NAV1: variants seen among roughly 807,000 people sequenced by gnomAD.
NAV1 encodes the protein neuron navigator 1.
In NAV1, 18 loss-of-function variants were observed where a neutral mutation model predicts 175.2. That is an observed-to-expected ratio of 0.10 (90% CI 0.07 to 0.15). The LOEUF is 0.15. Among genes scored for constraint, NAV1 ranks in the 10% least tolerant of loss-of-function variants. The pLI, the probability that NAV1 is intolerant of heterozygous loss-of-function variation, is 1.00. For missense variants in NAV1, 1,731 were observed against 2,436.6 expected (o/e 0.71, Z 6.10); for synonymous variants, 897 against 978.7 (o/e 0.92, Z 1.56).
At chr1:201,662,603 G>A (rs1390538128) in intron 1 of NAV1, among the ~76,000 whole-genome samples, 1 of 152,188 alleles carries the variant, frequency 6.6e-6, no homozygotes, top group Non-Finnish European at 1.5e-5. Context: ...TCTGTAGAAT[G>A]GGGCTTGTAC....
chr1:201,724,740 G>C (rs1339311915), intron 3 of NAV1: 3 of 152,658 alleles, frequency 2.0e-5, no homozygotes, highest in Non-Finnish European at 4.4e-5. Flanking sequence ...GGCGACTTCT[G>C]CCACACCCTG....
chr1:201,629,588 T>C, intron 2 of NAV1, 81 bp downstream of exon 4: 1 of 904,408 alleles, frequency 1.1e-6, no homozygotes, highest in Non-Finnish European at 1.5e-6. Flanking sequence ...AGAAGTGACC[T>C]AGGCTGGATG....
chr1:201,819,953 C>A (rs772728249), exon 30 of NAV1: 25 of 1,608,894 alleles, frequency 1.6e-5, no homozygotes, highest in African/African-American at 2.7e-5. Flanking sequence ...ATCACTGTCA[C>A]CCCCGGACAG....
Position 201,718,872 on chromosome 1 carries a change from A to G in NAV1, c.1226+117A>G, listed in dbSNP as rs1672250041. 7.9e-7 allele frequency: 1 copy of G among 1,258,670 alleles called. No homozygotes were observed. Among genetic ancestry groups the G allele is most frequent in the Non-Finnish European group, 1.1e-6 (1 of 898,872 alleles). The allele number at this position is 1,258,670 out of a possible 1,614,324, so 78.0% of individuals were successfully genotyped here. On this transcript the variant is annotated intron_variant, in intron 3 of 29. Transcript: ENST00000367296. The surrounding 1 kb of genome is among the most constrained non-coding windows in gnomAD (Gnocchi z 4.8). ...GTTTTGGTTTGCTGTGCTGCTATGA[A>G]AGTACACAAAAGTGTGCTGTGTACA...
intron 2 of NAV1, among the ~76,000 whole-genome samples, chr1:201,633,630 C>A (rs1668537438): frequency 6.6e-6 from 1 of 152,210 alleles, no homozygotes. Flanking sequence ...TGAGCAGGTC[C>A]CAGGATGCCA....
chr1:201,693,281 A>C (rs2102422075), intron 1 of NAV1, among the ~76,000 whole-genome samples: 1 of 152,312 alleles, frequency 6.6e-6, no homozygotes, highest in Non-Finnish European at 1.5e-5. Context: ...GCTGTGGTAG[A>C]AGTCTGTTAC....
intron 1 of NAV1, among the ~76,000 whole-genome samples, chr1:201,650,614 C>A (rs1264866198): frequency 6.6e-6 from 1 of 152,210 alleles, no homozygotes; most frequent in East Asian, 1.9e-4. Context: ...CATGCAAGAG[C>A]TCGCCGGGCG....
intron 2 of NAV1, among the ~76,000 whole-genome samples, chr1:201,612,741 A>G (rs986343491): frequency 2.0e-5 from 3 of 152,230 alleles, no homozygotes; most frequent in South Asian, 2.1e-4. Flanking sequence ...AGTTTTCAAC[A>G]TAGAAATTTT....
intron 3 of NAV1, among the ~76,000 whole-genome samples, chr1:201,767,037 G>A (rs938226503): frequency 2.0e-5 from 3 of 151,640 alleles, no homozygotes; most frequent in African/African-American, 7.3e-5. Flanking sequence ...GGCCAGGATG[G>A]TCTCATCTCC....
intron 3 of NAV1, among the ~76,000 whole-genome samples, chr1:201,754,107 G>A (rs765872250): frequency 4.6e-5 from 7 of 152,004 alleles, no homozygotes; most frequent in South Asian, 2.1e-4. Context: ...CCTCTGTTCC[G>A]GGGAAAATAT....
intron 1 of NAV1, among the ~76,000 whole-genome samples, chr1:201,697,533 T>C (rs906120966): frequency 2.6e-5 from 4 of 152,176 alleles, no homozygotes; most frequent in Admixed American, 6.5e-5. Context: ...GGCTCTGAGA[T>C]CAGCAGGCTG....
Position 201,783,306 on chromosome 1 carries a change from A to C in NAV1, c.2358-100A>C, listed in dbSNP as rs1676456963. The C allele has an allele frequency of 4.9e-6, 6 of 1,218,306 alleles. No individual in the cohort carries two copies. The South Asian group carries it at 8.4e-5, about 17-fold the overall frequency. The allele number at this position is 1,218,306 out of a possible 1,614,324, so 75.5% of individuals were successfully genotyped here. On this transcript the variant is annotated intron_variant, in intron 6 of 29. Transcript: ENST00000367296. ...TAGGATAAGCCTCTGTGCTTAGCAA[A>C]TAGGCAGAAAACAAGACTGGATAGG...
intron 2 of NAV1, among the ~76,000 whole-genome samples, chr1:201,635,206 C>CTTTT (rs3054496): frequency 6.9e-6 from 1 of 144,956 alleles, no homozygotes; most frequent in African/African-American, 2.5e-5. Flanking sequence ...ACCTGGCTAT[C>CTTTT]TTTTTTTTTT....
exon 1 of NAV1, chr1:201,649,126 C>G (rs1352946025): frequency 1.9e-6 from 3 of 1,612,216 alleles, no homozygotes; most frequent in Non-Finnish European, 2.5e-6. Flanking sequence ...AAGGGCAGCC[C>G]GGCGGGCGGC....
chr1:201,584,059 T>C (rs1666952970), intron 1 of NAV1, among the ~76,000 whole-genome samples: 1 of 152,228 alleles, frequency 6.6e-6, no homozygotes, highest in Non-Finnish European at 1.5e-5. Flanking sequence ...TTCTGTACAA[T>C]GCAATTTGGG....
chr1:201,724,170 C>G (rs138629830), intron 3 of NAV1: 9 of 152,324 alleles, frequency 5.9e-5, no homozygotes, highest in African/African-American at 2.2e-4. Context: ...GAGTTGGCTG[C>G]TGACTGTCCT....
upstream of NAV1, among the ~76,000 whole-genome samples, chr1:201,646,949 C>T (rs981190399): frequency 6.6e-6 from 1 of 152,070 alleles, no homozygotes; most frequent in African/African-American, 2.4e-5. Flanking sequence ...TCACACACAG[C>T]GTTCTTCAGA....
intron 1 of NAV1, among the ~76,000 whole-genome samples, chr1:201,571,611 C>T (rs923977231): frequency 2.0e-5 from 3 of 152,204 alleles, no homozygotes; most frequent in African/African-American, 7.2e-5. Context: ...TATGGGTGCC[C>T]AGCAGAACTG....
chr1:201,786,343 A>G (rs1676746180), intron 8 of NAV1, 86 bp from the exon 13 acceptor site: 11 of 1,347,482 alleles, frequency 8.2e-6, no homozygotes, highest in Non-Finnish European at 1.1e-5. Context: ...TCCTGGCTCC[A>G]GCCTAGTTCA....
Sources: gnomAD v4.1 joint callset for allele counts (sites outside exome capture counted in the v4.1 genomes callset) on GRCh38, gnomAD v4.1.1 for gene constraint, Gnocchi (gnomAD v3.1) non-coding constraint, MANE v1.5 for transcripts, NCBI Gene and HGNC (gene_info 2026-07-23, HGNC 2026-07-21) for gene names.